Variants in STARD13 observed in about 807,000 individuals in gnomAD.
STARD13 encodes the protein StAR related lipid transfer domain containing 13, also known as stAR-related lipid transfer protein 13.
STARD13 carries 62 observed loss-of-function variants against 106.4 expected under a neutral mutation model. The observed-to-expected ratio is 0.58, with a 90% confidence interval of 0.48 to 0.72. The LOEUF (loss-of-function observed/expected upper bound fraction) is 0.72. STARD13 is among the 30% of genes least tolerant of loss of function. STARD13 has a pLI of 0.00. For synonymous variants in STARD13, 565 were observed against 553.0 expected (o/e 1.02, Z -0.31); for missense variants, 1,387 against 1,424.0 (o/e 0.97, Z 0.42).
chr13:33,110,960 G>C, intron 10 of STARD13, 53 bp from the exon 11 acceptor site: 1 of 1,520,126 alleles, frequency 6.6e-7, no homozygotes, highest in East Asian at 2.3e-5. Context: ...GAAACGCCGA[G>C]ACTCAAAGAA....
chr13:33,185,075 T>G (rs1233187023), intron 1 of STARD13, among the ~76,000 whole-genome samples: 1 of 152,224 alleles, frequency 6.6e-6, no homozygotes, highest in Non-Finnish European at 1.5e-5. Context: ...ATTTAAAAGA[T>G]AAATCTCATT....
At chr13:33,271,652 G>A (rs984465825) in intron 1 of STARD13, 4 of 152,232 alleles carry the variant, frequency 2.6e-5, no homozygotes, top group Non-Finnish European at 5.9e-5. Context: ...TTGGGAAGCA[G>A]AGTTCTTGAT....
At chr13:33,545,627 G>T in the STARD13 span, among the ~76,000 whole-genome samples, 2 of 152,114 alleles carry the variant, frequency 1.3e-5, no homozygotes, top group Non-Finnish European at 2.9e-5. Context: ...TTTCAGACAT[G>T]GGGGTGGATC....
chr13:33,404,261 T>C, the STARD13 span, among the ~76,000 whole-genome samples: 1 of 152,358 alleles, frequency 6.6e-6, no homozygotes, highest in East Asian at 1.9e-4. Context: ...ACTGGATTTC[T>C]GCTGGCATAA....
chr13:33,586,759 T>C, the STARD13 span, among the ~76,000 whole-genome samples: 6 of 152,122 alleles, frequency 3.9e-5, no homozygotes, highest in Admixed American at 2.0e-4. Flanking sequence ...ATGACCCTGA[T>C]AGGTGAATCC....
intron 1 of STARD13, among the ~76,000 whole-genome samples, chr13:33,294,528 A>G (rs756186811): frequency 1.3e-5 from 2 of 152,206 alleles, no homozygotes; most frequent in African/African-American, 2.4e-5. Context: ...GTTATCAACC[A>G]TCTCTGTTTC....
chr13:33,421,926 G>T, the STARD13 span, among the ~76,000 whole-genome samples: 424 of 152,230 alleles, frequency 2.8e-3, 2 homozygotes, highest in Non-Finnish European at 3.4e-3. Context: ...CAATAAGCTA[G>T]GTATTGATGG....
At chr13:33,619,883 T>C in the STARD13 span, among the ~76,000 whole-genome samples, 1 of 152,080 alleles carries the variant, frequency 6.6e-6, no homozygotes, top group Non-Finnish European at 1.5e-5. Context: ...GCCGACATGG[T>C]GAAACCTCAT....
At position 33,130,137 on chromosome 13, in the gene STARD13, C is replaced by G. The variant is rs773789279; in HGVS notation, c.540G>C (p.Thr180=). ...GSPGGTGMRN[T]TSSESVLTDL... ...CTGTGAGGACGCTCTCACTGCTGGT[C>G]GTGTTCCTCATCCCCGTGCCTCCCG... Residue 180 remains threonine, a synonymous_variant, in exon 5 of 14, where the codon ACG becomes ACC. Transcript: ENST00000336934. The surrounding 1 kb of genome is among the most constrained non-coding windows in gnomAD (Gnocchi z 4.1). The G allele has an allele frequency of 2.5e-6, 4 of 1,614,116 alleles. No homozygotes were observed. In the East Asian group the frequency reaches 6.7e-5, roughly 27 times the overall value.
chr13:33,516,643 T>C, the STARD13 span, among the ~76,000 whole-genome samples: 1 of 152,104 alleles, frequency 6.6e-6, no homozygotes, highest in Admixed American at 6.6e-5. Context: ...GTCCTTCCTA[T>C]TGGGTTACCA....
At chr13:33,667,733 T>C in the STARD13 span, among the ~76,000 whole-genome samples, 1 of 152,246 alleles carries the variant, frequency 6.6e-6, no homozygotes, top group African/African-American at 2.4e-5. Flanking sequence ...ATACTCTTCA[T>C]TGGTAACAAT....
chr13:33,575,781 T>C, the STARD13 span, among the ~76,000 whole-genome samples: 1 of 152,162 alleles, frequency 6.6e-6, no homozygotes, highest in Admixed American at 6.5e-5. Context: ...GCCATTGAAC[T>C]CAGCCTGCAG....
chr13:33,624,292 A>G, the STARD13 span, among the ~76,000 whole-genome samples: 1 of 152,258 alleles, frequency 6.6e-6, no homozygotes, highest in African/African-American at 2.4e-5. Flanking sequence ...AATCAGCAAT[A>G]AAAACAAATG....
At chr13:33,458,559 A>G in the STARD13 span, among the ~76,000 whole-genome samples, 2 of 152,206 alleles carry the variant, frequency 1.3e-5, no homozygotes, top group South Asian at 4.1e-4. Context: ...TCTCCAAATA[A>G]AAATAAAATA....
chr13:33,145,792 C>T (rs1880449452), intron 3 of STARD13, among the ~76,000 whole-genome samples: 1 of 152,106 alleles, frequency 6.6e-6, no homozygotes, highest in African/African-American at 2.4e-5. Context: ...GGATTCCACT[C>T]ATCAAAAAAA....
At chr13:33,519,264 C>CTTTCTTTCTATA in the STARD13 span, among the ~76,000 whole-genome samples, 2 of 143,576 alleles carry the variant, frequency 1.4e-5, no homozygotes, top group South Asian at 4.4e-4. Flanking sequence ...TTCTTTCTTT[C>CTTTCTTTCTATA]TTTCTTTCTT....
chr13:33,634,010 CTT>C, the STARD13 span, among the ~76,000 whole-genome samples: 7 of 152,170 alleles, frequency 4.6e-5, no homozygotes, highest in African/African-American at 1.7e-4. Context: ...AGACACTACT[CTT>C]TTGTCTATCA....
intron 1 of STARD13, among the ~76,000 whole-genome samples, chr13:33,282,900 A>T (rs60322479): frequency 0.012 from 1,759 of 151,820 alleles, 29 homozygotes; most frequent in African/African-American, 0.04. Flanking sequence ...ATGGTGGCAC[A>T]CTCCTGTAAG....
chr13:33,506,411 C>G, the STARD13 span, among the ~76,000 whole-genome samples: 1 of 152,076 alleles, frequency 6.6e-6, no homozygotes, highest in Non-Finnish European at 1.5e-5. Context: ...GACAATTTTT[C>G]TTGTCAACAA....
Sources: gnomAD v4.1 joint callset for allele counts (sites outside exome capture counted in the v4.1 genomes callset) on GRCh38, gnomAD v4.1.1 for gene constraint, Gnocchi (gnomAD v3.1) non-coding constraint, MANE v1.5 for transcripts, NCBI Gene and HGNC (gene_info 2026-07-23, HGNC 2026-07-21) for gene names.